SP2: variants seen among roughly 807,000 people sequenced by gnomAD.
SP2 encodes Sp2 transcription factor, also known as transcription factor Sp2.
Under a neutral mutation model 50.1 loss-of-function variants are expected in SP2, and 9 were observed. The ratio of observed to expected loss-of-function variants is 0.18; its 90% confidence interval spans 0.11 to 0.31. The LOEUF (loss-of-function observed/expected upper bound fraction) is 0.31. Ranked by LOEUF, SP2 falls within the 10% of genes least tolerant of loss-of-function variation. The pLI, the probability that SP2 is intolerant of heterozygous loss-of-function variation, is 1.00. For synonymous variants in SP2, 313 were observed against 326.6 expected, an observed-to-expected ratio of 0.96 and a Z score of 0.45; for missense variants, 581 against 806.5, an observed-to-expected ratio of 0.72 and a Z score of 3.39.
chr17:47,921,494 C>T (rs916938767), intron 3 of SP2, among the ~76,000 whole-genome samples: 3 of 152,240 alleles, frequency 2.0e-5, no homozygotes, highest in African/African-American at 4.8e-5. Flanking sequence ...TCAAGTGATC[C>T]GCCTGCCTTG....
chr17:47,897,841 A>C (rs1018764121), intron 1 of SP2: 1 of 985,058 alleles, frequency 1.0e-6, no homozygotes, highest in Admixed American at 6.2e-5. Context: ...ACAACCTATC[A>C]ATTGGGCTGA....
chr17:47,904,732 C>G (rs1176393159), intron 1 of SP2, among the ~76,000 whole-genome samples: 1 of 152,004 alleles, frequency 6.6e-6, no homozygotes, highest in Admixed American at 6.6e-5. Flanking sequence ...TTAATGGGCT[C>G]TTTTACCATG....
At chr17:47,911,647 A>C (rs2034989755) in intron 1 of SP2, among the ~76,000 whole-genome samples, 1 of 152,044 alleles carries the variant, frequency 6.6e-6, no homozygotes, top group South Asian at 2.1e-4. Context: ...CTTACTAAAA[A>C]TACAAAAAAT....
At chr17:47,915,257 G>A in intron 1 of SP2, 55 bp from the exon 2 acceptor site, 2 of 1,257,212 alleles carry the variant, frequency 1.6e-6, no homozygotes, top group Non-Finnish European at 2.2e-6. Flanking sequence ...AGGCAAGTGG[G>A]CTTGCGTTCT....
Position 47,916,786 on chromosome 17 carries a change from C to G in SP2, c.715C>G (p.Pro239Ala). The G allele has an allele frequency of 1.2e-6, 2 of 1,614,074 alleles. No homozygotes were observed. The highest frequency in any genetic ancestry group is 1.7e-6 in the Non-Finnish European group (2 of 1,179,938). ...GCTCCTCACTGAAAGCCCCCCAACC[C>G]CGCTGTCTAAGACTAACAAGAAAGC... is the stretch of plus-strand genomic sequence containing the variant. ...TQLLTESPPTPLSKTNKKARK... is the reference protein window; with the variant it reads ...TQLLTESPPTALSKTNKKARK... Residue 239 changes from proline (P) to alanine (A), a missense_variant, in exon 3 of 7, where the codon CCG becomes GCG. Pro to Ala is a conservative substitution (Grantham distance 27). Around this residue, in one of 2 missense-constraint regions of SP2, gnomAD observed 397 missense variants for 491.0 expected, o/e 0.81. Transcript: ENST00000376741. The surrounding 1 kb of genome is among the most constrained non-coding windows in gnomAD (Gnocchi z 4.7).
chr17:47,923,537 G>A (rs1409891757), intron 4 of SP2, among the ~76,000 whole-genome samples: 5 of 152,254 alleles, frequency 3.3e-5, no homozygotes, highest in Non-Finnish European at 7.3e-5. Flanking sequence ...CAAACGCAAA[G>A]ACGGCTTCTT....
intron 6 of SP2, 126 bp from the exon 7 acceptor site, chr17:47,927,598 T>C: frequency 2.0e-6 from 1 of 500,652 alleles, no homozygotes; most frequent in Non-Finnish European, 3.7e-6. Flanking sequence ...GAGCAGGAGG[T>C]GGGCAGAATG....
At chr17:47,926,285 G>C (rs1229211492) in intron 6 of SP2, among the ~76,000 whole-genome samples, 1 of 150,000 alleles carries the variant, frequency 6.7e-6, no homozygotes, top group Non-Finnish European at 1.5e-5. Context: ...GTGCGGCCAG[G>C]TTCACACCCA....
intron 3 of SP2, among the ~76,000 whole-genome samples, chr17:47,918,855 T>A (rs2035318937): frequency 6.6e-6 from 1 of 152,246 alleles, no homozygotes; most frequent in Admixed American, 6.5e-5. Flanking sequence ...AAATAAAGTT[T>A]AATTGGAGTG....
intron 1 of SP2, chr17:47,897,971 C>A (rs1383920457): frequency 4.1e-5 from 25 of 614,738 alleles, no homozygotes; most frequent in South Asian, 1.4e-4. Flanking sequence ...TGTACAGAGG[C>A]TTAACCTCTT....
downstream of SP2, among the ~76,000 whole-genome samples, chr17:47,930,228 T>G (rs965248006): frequency 6.6e-6 from 1 of 152,214 alleles, no homozygotes; most frequent in Non-Finnish European, 1.5e-5. Context: ...ACTAGAAAAC[T>G]GCCTTGCTGC....
rs1315930884 is a variant in SP2, at chr17:47,917,098, C to G, written c.1027C>G (p.Gln343Glu). The change falls in exon 3 of 7, where the codon CAG (glutamine) becomes GAG (glutamate). Residue 343 changes from glutamine to glutamate, a missense_variant. Transcript: ENST00000376741. ...TVPQKPSQNFQIQAAEPTPTQ... is the reference protein window; with the variant it reads ...TVPQKPSQNFEIQAAEPTPTQ... ...ACCCCAGAAGCCCTCCCAGAACTTT[C>G]AGATCCAGGCAGCTGAGCCGACACC... 2 of 1,612,324 alleles carry G rather than the reference C, an allele frequency of 1.2e-6. No homozygotes were observed. Among genetic ancestry groups the G allele is most frequent in the Admixed American group, 3.3e-5 (2 of 59,954 alleles).
chr17:47,917,128 C>A lies in SP2; in HGVS notation c.1057C>A (p.Gln353Lys). The A allele has an allele frequency of 6.2e-7, 1 of 1,605,438 alleles. No homozygotes were observed. Among genetic ancestry groups the A allele is most frequent in the Non-Finnish European group, 8.5e-7 (1 of 1,175,868 alleles). ...CCAGGCAGCTGAGCCGACACCTACT[C>A]AGGTACCACACTCCCTGTACTGTCC... ...QIQAAEPTPTQVYIRTPSGEV... is the reference protein window; with the variant it reads ...QIQAAEPTPTKVYIRTPSGEV... The change falls in exon 3 of 7, where the codon CAG becomes AAG. Residue 353 changes from glutamine (Q) to lysine (K), a missense_variant and splice_region_variant. By Grantham distance (53) the Gln-to-Lys change is moderately conservative (BLOSUM62 1). Around this residue, in one of 2 missense-constraint regions of SP2, gnomAD observed 397 missense variants for 491.0 expected, o/e 0.81. Transcript: ENST00000376741.
chr17:47,904,277 AAAAG>A (rs2034668900), intron 1 of SP2, among the ~76,000 whole-genome samples: 1 of 151,830 alleles, frequency 6.6e-6, no homozygotes, highest in Admixed American at 6.6e-5. Flanking sequence ...AAAAAAAAAA[AAAAG>A]AAGTAGAAGT....
intron 1 of SP2, among the ~76,000 whole-genome samples, chr17:47,911,370 C>T (rs180986835): frequency 1.2e-4 from 18 of 151,438 alleles, no homozygotes; most frequent in Non-Finnish European, 2.4e-4. Context: ...GGCAAAACCC[C>T]GTCTCTACTA....
At chr17:47,912,375 C>T (rs975795829) in intron 1 of SP2, among the ~76,000 whole-genome samples, 1 of 151,966 alleles carries the variant, frequency 6.6e-6, no homozygotes, top group African/African-American at 2.4e-5. Context: ...GCCTGGTAAC[C>T]ATTTAAGGCA....
intron 1 of SP2, among the ~76,000 whole-genome samples, chr17:47,911,991 C>T (rs2035009208): frequency 6.6e-6 from 1 of 152,062 alleles, no homozygotes; most frequent in Admixed American, 6.5e-5. Flanking sequence ...ATCATATTGC[C>T]CAAGTTTCCT....
At chr17:47,900,387 A>C (rs1047862849) in intron 1 of SP2, 1 of 152,272 alleles carries the variant, frequency 6.6e-6, no homozygotes. Context: ...GCCTAGAAGA[A>C]AACAGACCAA....
chr17:47,925,618 C>T, intron 6 of SP2, 77 bp downstream of exon 6: 1 of 1,203,376 alleles, frequency 8.3e-7, no homozygotes, highest in Non-Finnish European at 1.2e-6. Flanking sequence ...ACTCTACCGG[C>T]TTTAGCAACA....
Sources: allele counts gnomAD v4.1 joint callset (sites outside exome capture counted in the v4.1 genomes callset), GRCh38; gene constraint gnomAD v4.1.1; regional missense constraint gnomAD v4.1.1; non-coding constraint Gnocchi (gnomAD v3.1); transcripts MANE v1.5; gene names NCBI Gene and HGNC (gene_info 2026-07-23, HGNC 2026-07-21).